FAM135B: variants seen among roughly 807,000 people sequenced by gnomAD.
The protein encoded by FAM135B is family with sequence similarity 135 member B.
A neutral mutation model predicts 127.7 loss-of-function variants in FAM135B; 43 were observed. The ratio of observed to expected loss-of-function variants is 0.34; its 90% CI spans 0.26 to 0.43. FAM135B has a LOEUF of 0.43. Among genes scored for constraint, FAM135B ranks in the 20% least tolerant of loss-of-function variants. The pLI is 1.00. For missense variants in FAM135B, 1,558 were observed against 1,725.6 expected (o/e 0.90, Z 1.72); for synonymous variants, 670 against 665.1 (o/e 1.01, Z -0.11).
At position 138,141,438 on chromosome 8, in the gene FAM135B, T is replaced by G; in HGVS notation, c.3639-89A>C. 1.5e-6 allele frequency: 2 copies of G among 1,300,120 alleles called. No homozygotes were observed. The highest frequency in any genetic ancestry group is 2.2e-6 in the Non-Finnish European group (2 of 910,796). The allele number at this position is 1,300,120 out of a possible 1,614,324, so 80.5% of individuals were successfully genotyped here. On this transcript the variant is annotated intron_variant, in intron 16 of 19. Coordinates refer to ENST00000395297, the MANE Select transcript of FAM135B (RefSeq NM_015912.4). The surrounding 1 kb of genome is among the most constrained non-coding windows in gnomAD (Gnocchi z 4.7). Reference sequence around the variant, plus strand: ...TGCTGGAAGCATCAGGGGCCATTGTTCTCCACCTCCCACTGAATGTAGGGG... The same window carrying G: ...TGCTGGAAGCATCAGGGGCCATTGTGCTCCACCTCCCACTGAATGTAGGGG...
rs574366459 is a variant in FAM135B, at chr8:138,307,057, T to G, written c.157+3784A>C. ...CACACTGAATGTTCAGCAACATCCC[T>G]CCTGTTTAACCTTGGCACCTGACAT... On this transcript the variant is annotated intron_variant, in intron 3 of 19. Transcript: ENST00000395297. 3.3e-5 allele frequency among the ~76,000 whole-genome samples: 5 copies of G among 152,278 alleles called. No individual in the cohort carries two copies. The South Asian group carries it at 1.0e-3, about 32-fold the overall frequency.
In FAM135B at chr8:138,270,634, C is replaced by T. The variant is rs1416391844; in HGVS notation, c.158-4792G>A. ...CCAATATCAGGGTGCTTGCATCTGGCAAAGGCCTTATTTCTGCATCATCCC... is the reference window on the plus strand; with the variant it reads ...CCAATATCAGGGTGCTTGCATCTGGTAAAGGCCTTATTTCTGCATCATCCC... On this transcript the variant is annotated intron_variant, in intron 3 of 19. Coordinates refer to ENST00000395297, the MANE Select transcript of FAM135B (RefSeq NM_015912.4). Among the ~76,000 whole-genome samples the T allele has an allele frequency of 1.3e-5, 2 of 152,346 alleles. 1 individual carries two copies. The highest frequency in any genetic ancestry group is 4.1e-4 in the South Asian group (2 of 4,822).
At chr8:138,308,352 C>G (rs1261729725) in intron 3 of FAM135B, among the ~76,000 whole-genome samples, 1 of 152,148 alleles carries the variant, frequency 6.6e-6, no homozygotes, top group Non-Finnish European at 1.5e-5. Flanking sequence ...CTGGCTAACT[C>G]AAAACATTAT....
At chr8:138,484,330 T>A (rs1270828680) in intron 1 of FAM135B, among the ~76,000 whole-genome samples, 1 of 152,128 alleles carries the variant, frequency 6.6e-6, no homozygotes, top group African/African-American at 2.4e-5. Flanking sequence ...TTTATTTGGG[T>A]TTCTTTATTG....
chr8:138,143,019 G>A lies in FAM135B; in HGVS notation c.3631C>T (p.Arg1211Ter), dbSNP rs1289751337. ...HIQLYNLSIS[R>*]ISFIGHSLGN... is the part of the protein sequence containing the mutation. ...CCTGTGGTTTCCTTTTACCTAATTCGGGATATGGAGAGGTTGTACAACTGA... is the reference window on the plus strand; with the variant it reads ...CCTGTGGTTTCCTTTTACCTAATTCAGGATATGGAGAGGTTGTACAACTGA... The change falls in exon 16 of 20, where the codon CGA becomes TGA. Residue 1211 changes from arginine (R) to a stop codon, truncating the protein, a stop_gained. Coordinates refer to ENST00000395297, the MANE Select transcript of FAM135B (RefSeq NM_015912.4). LOFTEE classifies it high-confidence loss of function. 6.4e-7 allele frequency: 1 copy of A among 1,569,680 alleles called. No individual in the cohort carries two copies. Among genetic ancestry groups the A allele is most frequent in the Non-Finnish European group, 8.8e-7 (1 of 1,139,684 alleles).
intron 1 of FAM135B, among the ~76,000 whole-genome samples, chr8:138,435,254 T>G (rs187022715): frequency 1.3e-5 from 2 of 151,642 alleles, no homozygotes; most frequent in East Asian, 1.9e-4. Context: ...CCAAGATAGC[T>G]CCATTGCACT....
chr8:138,226,189 G>A (rs866880876), intron 7 of FAM135B, among the ~76,000 whole-genome samples: 7 of 147,966 alleles, frequency 4.7e-5, no homozygotes, highest in Admixed American at 2.0e-4. Context: ...GTGTGTGCGC[G>A]CATGTCATTT....
intron 7 of FAM135B, among the ~76,000 whole-genome samples, chr8:138,219,075 A>G (rs975789366): frequency 2.0e-5 from 3 of 152,172 alleles, no homozygotes; most frequent in Non-Finnish European, 4.4e-5. Flanking sequence ...ATTAATAACC[A>G]CACATCTGAA....
At chr8:138,172,691 A>G (rs928837343) in intron 11 of FAM135B, among the ~76,000 whole-genome samples, 2 of 152,224 alleles carry the variant, frequency 1.3e-5, no homozygotes, top group Non-Finnish European at 2.9e-5. Context: ...GATATAATGG[A>G]TGACGAATAA....
rs540519876 is a variant in FAM135B at position 138,323,365 on chromosome 8, G to C, written c.78-12445C>G. ...CCTTTGCTGACTCCCTTGCAGCTAG[G>C]AGAAACCTCATGACCCCCTCTTGGC... On this transcript the variant is annotated intron_variant, in intron 2 of 19. Coordinates refer to ENST00000395297, the MANE Select transcript of FAM135B (RefSeq NM_015912.4). Among the ~76,000 whole-genome samples, 71 of 152,272 alleles carry C rather than the reference G, an allele frequency of 4.7e-4. 2 individuals are homozygous for C. The South Asian group carries it at 0.014, about 31-fold the overall frequency.
chr8:138,487,634 T>TG (rs890838129), intron 1 of FAM135B, among the ~76,000 whole-genome samples: 236 of 126,050 alleles, frequency 1.9e-3, no homozygotes, highest in African/African-American at 6.6e-3. Flanking sequence ...TAGGTGTGTG[T>TG]GGGGGTGGGG....
intron 12 of FAM135B, among the ~76,000 whole-genome samples, chr8:138,166,253 A>T (rs1819910260): frequency 6.6e-6 from 1 of 152,214 alleles, no homozygotes; most frequent in East Asian, 1.9e-4. Flanking sequence ...CCTCGAAGGG[A>T]CACAGGACAA....
intron 2 of FAM135B, among the ~76,000 whole-genome samples, chr8:138,313,983 A>G: frequency 6.6e-6 from 1 of 151,934 alleles, no homozygotes; most frequent in Non-Finnish European, 1.5e-5. Flanking sequence ...TTAGTCTCAC[A>G]TATTTGTGTA....
At chr8:138,443,981 A>G (rs1249016533) in intron 1 of FAM135B, among the ~76,000 whole-genome samples, 6 of 152,184 alleles carry the variant, frequency 3.9e-5, no homozygotes, top group Admixed American at 2.0e-4. Context: ...TGGAAAACAA[A>G]AAAGGGCAGG....
chr8:138,148,415 T>C, intron 14 of FAM135B, 105 bp downstream of exon 14: 2 of 908,488 alleles, frequency 2.2e-6, no homozygotes, highest in Non-Finnish European at 3.4e-6. Flanking sequence ...CCACAGTTGC[T>C]AATTGAACAT....
chr8:138,165,048 T>C (rs193062505), intron 12 of FAM135B, among the ~76,000 whole-genome samples: 2 of 152,048 alleles, frequency 1.3e-5, no homozygotes, highest in South Asian at 2.1e-4. Context: ...CCAGAAAGAC[T>C]GAGGTTGATT....
intron 1 of FAM135B, among the ~76,000 whole-genome samples, chr8:138,408,470 C>T (rs1349277317): frequency 2.0e-5 from 3 of 152,148 alleles, no homozygotes; most frequent in Admixed American, 6.5e-5. Flanking sequence ...CCTCTCTCAG[C>T]CACTATAGAA....
chr8:138,434,255 T>G (rs948777851), intron 1 of FAM135B, among the ~76,000 whole-genome samples: 1 of 152,228 alleles, frequency 6.6e-6, no homozygotes, highest in African/African-American at 2.4e-5. Flanking sequence ...TGTCTAAATA[T>G]GAATCTAATG....
At chr8:138,239,019 A>G (rs117357117) in intron 7 of FAM135B, among the ~76,000 whole-genome samples, 136 of 152,376 alleles carry the variant, frequency 8.9e-4, no homozygotes, top group Admixed American at 1.8e-3. Flanking sequence ...CCCCAAAAAT[A>G]GCCAAGAAGA....
Sources: allele counts gnomAD v4.1 joint callset (sites outside exome capture counted in the v4.1 genomes callset), GRCh38; gene constraint gnomAD v4.1.1; non-coding constraint Gnocchi (gnomAD v3.1); transcripts MANE v1.5; gene names NCBI Gene and HGNC (gene_info 2026-07-23, HGNC 2026-07-21).